The following ARHGAP45 variants were observed in gnomAD, a reference collection of about 807,000 sequenced individuals.
ARHGAP45 encodes the protein rho GTPase-activating protein 45.
In ARHGAP45, 56 loss-of-function variants were observed where a neutral mutation model predicts 116.1. The observed-to-expected ratio is 0.48, with a 90% CI of 0.39 to 0.60. The LOEUF (loss-of-function observed/expected upper bound fraction) is 0.60. Among genes scored for constraint, ARHGAP45 ranks in the 20% least tolerant of loss-of-function variants. The pLI is 0.00. For missense variants in ARHGAP45, 1,622 were observed against 1,601.0 expected (o/e 1.01, Z -0.22); for synonymous variants, 866 against 701.7 (o/e 1.23, Z -3.70).
rs1204888668 is a variant in ARHGAP45, at chr19:1,071,558, TC to T, written c.422-1589del. 8.4e-6 allele frequency: 2 copies of T among 236,936 alleles called. No individual in the cohort carries two copies. The highest frequency in any genetic ancestry group is 6.9e-6 in the Non-Finnish European group (1 of 145,314). 14.7% of individuals were successfully genotyped at this position (236,936 alleles called of 1,614,324 possible). ...GGGGGTGTGCGGGGACAGCCGGGGG[TC>T]CGTGCGCCGGCCGCGCGCGGAGTGC... On this transcript the variant is annotated intron_variant, in intron 2 of 22. Coordinates refer to ENST00000313093, the MANE Select transcript of ARHGAP45 (RefSeq NM_012292.5). This position sits in a 1 kb window ranked among gnomAD's most constrained non-coding sequence, Gnocchi z 4.6.
At chr19:1,073,912 C>A (rs373122629) in intron 5 of ARHGAP45, 36 bp from the exon 6 acceptor site, 433 of 1,532,330 alleles carry the variant, frequency 2.8e-4, no homozygotes, top group Admixed American at 5.4e-4. Flanking sequence ...CAGGGCCCCG[C>A]ATGGGGCTGG....
chr19:1,085,519 C>CCTGTCTCTCCCCATCTCTT (rs2043589503), intron 22 of ARHGAP45, 141 bp from the exon 23 acceptor site: 2 of 633,412 alleles, frequency 3.2e-6, no homozygotes, highest in Non-Finnish European at 5.4e-6. Context: ...CTCCATCTCT[C>CCTGTCTCTCCCCATCTCTT]CTGTCTCTCC....
chr19:1,086,193 G>T lies in ARHGAP45; in HGVS notation c.*187G>T. 1.7e-6 allele frequency: 1 copy of T among 601,590 alleles called. No homozygotes were observed. Among genetic ancestry groups the T allele is most frequent in the Non-Finnish European group, 3.0e-6 (1 of 338,902 alleles). The allele number at this position is 601,590 out of a possible 1,614,324, so 37.3% of individuals were successfully genotyped here. A position where few individuals can be genotyped will look rare whatever the true frequency, so the allele number is the denominator to read the frequency against. On this transcript the variant is annotated 3_prime_UTR_variant, in exon 23 of 23. Transcript: ENST00000313093. Reference sequence around the variant, plus strand: ...CTTCCAGGAGCACGAGGGCCTTGCGGCACAGGACTGTGCCCTGTGCTGTCC... The same window carrying T: ...CTTCCAGGAGCACGAGGGCCTTGCGTCACAGGACTGTGCCCTGTGCTGTCC...
Position 1,083,139 on chromosome 19 carries a change from G to C in ARHGAP45, c.2745-4G>C. 6.2e-7 allele frequency: 1 copy of C among 1,603,920 alleles called. No individual in the cohort carries two copies. On this transcript the variant is annotated splice_region_variant and splice_polypyrimidine_tract_variant and intron_variant, in intron 20 of 22. Transcript: ENST00000313093. ...TCAGCACCTGGCCCCTGCCCACCCCGCAGGATCGTGGAGGTGGAGCAGGAC... is the reference window on the plus strand; with the variant it reads ...TCAGCACCTGGCCCCTGCCCACCCCCCAGGATCGTGGAGGTGGAGCAGGAC...
intron 7 of ARHGAP45, 23 bp downstream of exon 7, chr19:1,074,264 G>T (rs1218651005): frequency 6.2e-7 from 1 of 1,612,298 alleles, no homozygotes; most frequent in Non-Finnish European, 8.5e-7. Flanking sequence ...GTCCCAGCAG[G>T]GTGGGTCTGG....
intron 11 of ARHGAP45, among the ~76,000 whole-genome samples, chr19:1,078,640 ACCT>A (rs1342444155): frequency 6.8e-6 from 1 of 148,136 alleles, no homozygotes; most frequent in Non-Finnish European, 1.5e-5. Flanking sequence ...CAAACTCCTG[ACCT>A]CATGATCCAC....
intron 8 of ARHGAP45, 76 bp downstream of exon 8, chr19:1,074,483 G>A: frequency 1.4e-6 from 2 of 1,423,638 alleles, no homozygotes; most frequent in Non-Finnish European, 1.9e-6. Flanking sequence ...AGGGCCCAGG[G>A]ACCAAGAGCA....
At chr19:1,070,292 CG>C (rs2043115246) in intron 2 of ARHGAP45, among the ~76,000 whole-genome samples, 1 of 149,798 alleles carries the variant, frequency 6.7e-6, no homozygotes, top group African/African-American at 2.5e-5. Context: ...CCACCGTGCC[CG>C]GGCTTTTCTT....
Position 1,081,938 on chromosome 19 carries a change from GTCC to G in ARHGAP45, c.2497_2499del (p.Leu833del). The G allele has an allele frequency of 6.2e-7, 1 of 1,612,344 alleles. No homozygotes were observed. Among genetic ancestry groups the G allele is most frequent in the Non-Finnish European group, 8.5e-7 (1 of 1,179,774 alleles). On this transcript the variant is annotated inframe_deletion, in exon 19 of 23. Transcript: ENST00000313093. Reference sequence around the variant, plus strand: ...GGCCTCGCCCCACGACATCAGCAACGTCCTCAAGCTCTACCTGCGTCAGGTGAG... The same window carrying G: ...GGCCTCGCCCCACGACATCAGCAACGTCAAGCTCTACCTGCGTCAGGTGAG...
upstream of ARHGAP45, among the ~76,000 whole-genome samples, chr19:1,066,957 C>G (rs953059165): frequency 2.0e-5 from 3 of 152,158 alleles, no homozygotes; most frequent in Non-Finnish European, 2.9e-5. Context: ...GTCCGGGTCT[C>G]TGCGTGTCAT....
At position 1,081,978 on chromosome 19, in the gene ARHGAP45, G is replaced by C. The variant is rs771891967; in HGVS notation, c.2517+17G>C. 2 of 1,605,814 alleles carry C rather than the reference G, an allele frequency of 1.2e-6. No homozygotes were observed. Among genetic ancestry groups the C allele is most frequent in the South Asian group, 2.2e-5 (2 of 90,864 alleles). On this transcript the variant is annotated intron_variant, in intron 19 of 22. Transcript: ENST00000313093. ...CTGCGTCAGGTGAGACCCACCGGTG[G>C]TGGCCAGGCAGAGCCTGGAAGGGGC...
Position 1,081,665 on chromosome 19 carries a change from G to A in ARHGAP45, c.2306G>A (p.Ser769Asn). 6.3e-7 allele frequency: 1 copy of A among 1,583,914 alleles called. No homozygotes were observed. Among genetic ancestry groups the A allele is most frequent in the Non-Finnish European group, 8.6e-7 (1 of 1,165,776 alleles). ...CAGGACTTCAGCCACGCGGCCCGCAGCGCCCCCGACGGCGTGCCCTTCATC... is the reference window on the plus strand; with the variant it reads ...CAGGACTTCAGCCACGCGGCCCGCAACGCCCCCGACGGCGTGCCCTTCATC... The part of the protein sequence containing the change: ...FGQDFSHAAR[S>N]APDGVPFIVK... The change falls in exon 18 of 23, where the codon AGC becomes AAC. Residue 769 changes from serine to asparagine, a missense_variant. By Grantham distance (46) the Ser-to-Asn change is conservative (BLOSUM62 1). Around this residue, in one of 3 missense-constraint regions of ARHGAP45, gnomAD observed 1,334 missense variants for 1,263.8 expected, o/e 1.06. Transcript: ENST00000313093.
chr19:1,073,503 C>A lies in ARHGAP45; in HGVS notation c.566-3C>A. 6.2e-7 allele frequency: 1 copy of A among 1,613,722 alleles called. No homozygotes were observed. The highest frequency in any genetic ancestry group is 8.5e-7 in the Non-Finnish European group (1 of 1,179,822). ...CCTCCTTGTCCTTATCTCTGCTTCC[C>A]AGCCTTCCATTATGAGAGCAACAAT... On this transcript the variant is annotated splice_polypyrimidine_tract_variant and splice_region_variant and intron_variant, in intron 3 of 22. Coordinates refer to ENST00000313093, the MANE Select transcript of ARHGAP45 (RefSeq NM_012292.5).
rs548746541 is a variant in ARHGAP45, at chr19:1,086,231, C to G, written c.*225C>G. On this transcript the variant is annotated 3_prime_UTR_variant, in exon 23 of 23. Coordinates refer to ENST00000313093, the MANE Select transcript of ARHGAP45 (RefSeq NM_012292.5). ...CCCTGTGCTGTCCCCTGCACCCCGGCTCAGCTGAGCTGGGGAACACTGCTG... is the reference window on the plus strand; with the variant it reads ...CCCTGTGCTGTCCCCTGCACCCCGGGTCAGCTGAGCTGGGGAACACTGCTG... 12 of 546,708 alleles carry G rather than the reference C, an allele frequency of 2.2e-5. No homozygotes were observed. Among genetic ancestry groups the G allele is most frequent in the African/African-American group, 1.9e-4 (10 of 52,860 alleles). The allele number at this position is 546,708 out of a possible 1,614,324, so 33.9% of individuals were successfully genotyped here.
At position 1,083,321 on chromosome 19, in the gene ARHGAP45, G is replaced by C. The variant is rs750967298; in HGVS notation, c.2923G>C (p.Glu975Gln). 1.3e-6 allele frequency: 2 copies of C among 1,563,004 alleles called. No homozygotes were observed. The highest frequency in any genetic ancestry group is 2.3e-5 in the South Asian group (2 of 85,564). Residue 975 changes from glutamate (E) to glutamine (Q), a missense_variant, in exon 21 of 23, where the codon GAG becomes CAG. Around this residue, in one of 3 missense-constraint regions of ARHGAP45, gnomAD observed 1,334 missense variants for 1,263.8 expected, o/e 1.06. Coordinates refer to ENST00000313093, the MANE Select transcript of ARHGAP45 (RefSeq NM_012292.5). Reference sequence around the variant, plus strand: ...CATCGTCCACTACGGCCTGGTCTTCGAGGAGGAGCCGGAGGAGACCCCCGG... The same window carrying C: ...CATCGTCCACTACGGCCTGGTCTTCCAGGAGGAGCCGGAGGAGACCCCCGG... Reference protein sequence around the residue: ...TLIVHYGLVFEEEPEETPGGQ... With the variant: ...TLIVHYGLVFQEEPEETPGGQ...
rs762146242 is a variant in ARHGAP45, at chr19:1,085,644, T to C, written c.3065-16T>C. 6.5e-7 allele frequency: 1 copy of C among 1,528,970 alleles called. No individual in the cohort carries two copies. Among genetic ancestry groups the C allele is most frequent in the Non-Finnish European group, 8.8e-7 (1 of 1,131,748 alleles). The allele number at this position is 1,528,970 out of a possible 1,614,324, so 94.7% of individuals were successfully genotyped here. On this transcript the variant is annotated splice_polypyrimidine_tract_variant and intron_variant, in intron 22 of 22. Transcript: ENST00000313093. Reference sequence around the variant, plus strand: ...CTCCTGTCTGTCTCCCCCCGCCATCTGTCTCCCTTTCTTAGAATCCCGAGT... The same window carrying C: ...CTCCTGTCTGTCTCCCCCCGCCATCCGTCTCCCTTTCTTAGAATCCCGAGT...
chr19:1,076,787 G>C (rs911610546), intron 10 of ARHGAP45, among the ~76,000 whole-genome samples: 1 of 151,952 alleles, frequency 6.6e-6, no homozygotes, highest in Non-Finnish European at 1.5e-5. Flanking sequence ...ATAAGACACC[G>C]TGCTTGGCTA....
At chr19:1,073,458 C>T in intron 3 of ARHGAP45, 48 bp from the exon 4 acceptor site, 2 of 1,587,194 alleles carry the variant, frequency 1.3e-6, no homozygotes, top group Non-Finnish European at 1.7e-6. Flanking sequence ...CAGGGATGGT[C>T]ACCTCCCAGA....
Position 1,086,028 on chromosome 19 carries a change from C to A in ARHGAP45, c.*22C>A. ...GTGAGCTGGGGTGGGGCTGGGACCA[C>A]AGGTGGCTTCTCTCTTGCCTGCTCC... On this transcript the variant is annotated 3_prime_UTR_variant, in exon 23 of 23. Transcript: ENST00000313093. 1.3e-6 allele frequency: 2 copies of A among 1,592,442 alleles called. No individual in the cohort carries two copies. Among genetic ancestry groups the A allele is most frequent in the Non-Finnish European group, 1.7e-6 (2 of 1,164,808 alleles).
Sources: gnomAD v4.1 joint callset for allele counts (sites outside exome capture counted in the v4.1 genomes callset) on GRCh38, gnomAD v4.1.1 for gene constraint, gnomAD v4.1.1 regional missense constraint, Gnocchi (gnomAD v3.1) non-coding constraint, MANE v1.5 for transcripts, NCBI Gene and HGNC (gene_info 2026-07-23, HGNC 2026-07-21) for gene names.